CSGALNACT1: variants seen among roughly 807,000 people sequenced by gnomAD.
CSGALNACT1 encodes the protein chondroitin sulfate N-acetylgalactosaminyltransferase 1, also known as beta4GalNAcT-1.
CSGALNACT1 carries 52 observed loss-of-function variants against 51.0 expected under a neutral mutation model. The ratio of observed to expected loss-of-function variants is 1.02; its 90% confidence interval spans 0.82 to 1.29. The LOEUF is 1.29. Ranked by LOEUF, CSGALNACT1 falls within the 50% of genes most tolerant of loss-of-function variation. CSGALNACT1 has a pLI of 0.00. For synonymous variants in CSGALNACT1, 341 were observed against 254.4 expected, an observed-to-expected ratio of 1.34 and a Z score of -3.24; for missense variants, 935 against 679.2, an observed-to-expected ratio of 1.38 and a Z score of -4.19.
chr8:19,505,341 C>T (rs773946667), exon 4 of CSGALNACT1: 23 of 1,614,014 alleles, frequency 1.4e-5, no homozygotes, highest in East Asian at 2.2e-5. Context: ...CTCGGGGTGG[C>T]GGGTAAGGCC....
intron 1 of CSGALNACT1, among the ~76,000 whole-genome samples, chr8:19,726,603 T>C (rs1303058429): frequency 2.0e-5 from 3 of 151,990 alleles, no homozygotes; most frequent in African/African-American, 7.3e-5. Context: ...TAAGATCTAC[T>C]CTCTCAGCAA....
intron 3 of CSGALNACT1, among the ~76,000 whole-genome samples, chr8:19,571,905 G>A (rs557927172): frequency 6.6e-6 from 1 of 152,300 alleles, no homozygotes; most frequent in Non-Finnish European, 1.5e-5. Flanking sequence ...GGCCTACAAA[G>A]ATAAGATGGA....
chr8:19,696,889 C>T (rs2061612156), intron 1 of CSGALNACT1, among the ~76,000 whole-genome samples: 1 of 152,102 alleles, frequency 6.6e-6, no homozygotes, highest in African/African-American at 2.4e-5. Flanking sequence ...CAAGTATAGG[C>T]AGAGCCTCCC....
At chr8:19,570,770 G>A (rs2042855242) in intron 3 of CSGALNACT1, among the ~76,000 whole-genome samples, 1 of 152,084 alleles carries the variant, frequency 6.6e-6, no homozygotes, top group South Asian at 2.1e-4. Flanking sequence ...TGTGGTGGCA[G>A]GTGCCTGTAA....
intron 1 of CSGALNACT1, among the ~76,000 whole-genome samples, chr8:19,664,048 A>G (rs1009079821): frequency 6.6e-6 from 1 of 152,232 alleles, no homozygotes; most frequent in African/African-American, 2.4e-5. Context: ...GGGGTAGGCC[A>G]GGAAACCCTC....
At chr8:19,484,390 C>T (rs966734613) in intron 4 of CSGALNACT1, among the ~76,000 whole-genome samples, 9 of 152,028 alleles carry the variant, frequency 5.9e-5, no homozygotes, top group Admixed American at 5.2e-4. Context: ...ACATACAACT[C>T]GAGGATAAGG....
chr8:19,678,669 T>G (rs1225867893), intron 1 of CSGALNACT1: 1 of 152,108 alleles, frequency 6.6e-6, no homozygotes, highest in Non-Finnish European at 1.5e-5. Context: ...GATCCTGCAA[T>G]GTAACTAATC....
At chr8:19,720,036 TGGATGTAATC>T (rs2063029496) in intron 1 of CSGALNACT1, among the ~76,000 whole-genome samples, 1 of 152,038 alleles carries the variant, frequency 6.6e-6, no homozygotes, top group East Asian at 1.9e-4. Flanking sequence ...TCCTGGAAGG[TGGATGTAATC>T]ACAGAGGTAC....
intron 5 of CSGALNACT1, among the ~76,000 whole-genome samples, chr8:19,444,706 G>A (rs2061845597): frequency 6.6e-6 from 1 of 152,140 alleles, no homozygotes; most frequent in South Asian, 2.1e-4. Context: ...GGGTTGCTGG[G>A]ATAAATCCAC....
intron 1 of CSGALNACT1, among the ~76,000 whole-genome samples, chr8:19,661,550 C>CAGTACT (rs2058744289): frequency 6.6e-6 from 1 of 152,220 alleles, no homozygotes; most frequent in Non-Finnish European, 1.5e-5. Flanking sequence ...TTCTGTAATA[C>CAGTACT]AGTACTATTC....
intron 6 of CSGALNACT1, among the ~76,000 whole-genome samples, chr8:19,424,920 G>C (rs1346228061): frequency 5.9e-5 from 9 of 152,164 alleles, no homozygotes; most frequent in Non-Finnish European, 1.2e-4. Flanking sequence ...TTTATTCTCT[G>C]TCCTGCTTCC....
chr8:19,408,361 G>A (rs916007342), intron 9 of CSGALNACT1, among the ~76,000 whole-genome samples: 5 of 148,498 alleles, frequency 3.4e-5, no homozygotes, highest in African/African-American at 1.2e-4. Flanking sequence ...GAATCGCTAT[G>A]TTGTCCAAGT....
At chr8:19,505,850 G>A in exon 4 of CSGALNACT1, 13 of 1,607,098 alleles carry the variant, frequency 8.1e-6, no homozygotes, top group Non-Finnish European at 9.3e-6. Flanking sequence ...AATCAGCCAT[G>A]CGTCCAGAAC....
chr8:19,745,527 A>G (rs2064599260), intron 1 of CSGALNACT1, among the ~76,000 whole-genome samples: 1 of 152,230 alleles, frequency 6.6e-6, no homozygotes, highest in East Asian at 1.9e-4. Context: ...AAGTACAGAG[A>G]AAAAAGGATT....
chr8:19,619,474 G>C (rs1379728172), intron 1 of CSGALNACT1, among the ~76,000 whole-genome samples: 1 of 151,996 alleles, frequency 6.6e-6, no homozygotes, highest in African/African-American at 2.4e-5. Context: ...TGCTCATTCT[G>C]AGTCCATGAT....
At chr8:19,532,109 G>T (rs528191046) in intron 3 of CSGALNACT1, 2 of 151,986 alleles carry the variant, frequency 1.3e-5, no homozygotes, top group African/African-American at 4.8e-5. Flanking sequence ...TGGCTGGTAG[G>T]AGAGCACAGA....
chr8:19,559,632 G>C (rs1376890749), intron 3 of CSGALNACT1, among the ~76,000 whole-genome samples: 1 of 151,962 alleles, frequency 6.6e-6, no homozygotes, highest in African/African-American at 2.4e-5. Flanking sequence ...TAGCAATGTA[G>C]AAAAACTAAA....
intron 5 of CSGALNACT1, 84 bp from the exon 5 acceptor site, chr8:19,440,015 A>C (rs991395807): frequency 4.3e-6 from 5 of 1,158,830 alleles, no homozygotes; most frequent in Non-Finnish European, 6.5e-6. Context: ...TGTAAAGTGC[A>C]AAAGGGTCTT....
intron 1 of CSGALNACT1, among the ~76,000 whole-genome samples, chr8:19,680,488 G>A (rs2060515986): frequency 1.3e-5 from 2 of 151,014 alleles, no homozygotes; most frequent in African/African-American, 4.9e-5. Context: ...CCCAGGAGGT[G>A]GAGGTTGCAG....
Sources: gnomAD v4.1 joint callset for allele counts (sites outside exome capture counted in the v4.1 genomes callset) on GRCh38, gnomAD v4.1.1 for gene constraint, MANE v1.5 for transcripts, NCBI Gene and HGNC (gene_info 2026-07-23, HGNC 2026-07-21) for gene names.